Variants in ILDR1 observed in about 807,000 individuals in gnomAD.
ILDR1 encodes immunoglobulin like domain containing receptor 1, also known as immunoglobulin-like domain-containing receptor 1.
Under a neutral mutation model 62.4 loss-of-function variants are expected in ILDR1, and 56 were observed. That is an observed-to-expected ratio of 0.90 (90% CI 0.72 to 1.12). The LOEUF (loss-of-function observed/expected upper bound fraction) is 1.12, where lower values mean the gene tolerates loss of function less well. ILDR1 is among the 50% of genes most tolerant of loss of function. The pLI, the probability that ILDR1 is intolerant of heterozygous loss-of-function variation, is 0.00. For synonymous variants in ILDR1, 284 were observed against 277.8 expected (o/e 1.02, Z -0.22); for missense variants, 736 against 710.6 (o/e 1.04, Z -0.41).
At chr3:121,992,579 G>A (rs1366152285) in intron 7 of ILDR1, among the ~76,000 whole-genome samples, 1 of 152,180 alleles carries the variant, frequency 6.6e-6, no homozygotes. Context: ...GAATCTTAAT[G>A]TTTTGGCCCA....
At chr3:122,016,174 C>G (rs2071774077) in intron 1 of ILDR1, among the ~76,000 whole-genome samples, 1 of 152,196 alleles carries the variant, frequency 6.6e-6, no homozygotes, top group South Asian at 2.1e-4. Flanking sequence ...CTTGCAGATG[C>G]TATTACTTTG....
At chr3:122,048,009 T>A in the ILDR1 span, among the ~76,000 whole-genome samples, 1 of 152,240 alleles carries the variant, frequency 6.6e-6, no homozygotes, top group East Asian at 1.9e-4. Flanking sequence ...AGTGATGAAG[T>A]AGGCAGACTT....
At chr3:122,055,435 CA>C in the ILDR1 span, 1 of 1,587,322 alleles carries the variant, frequency 6.3e-7, no homozygotes, top group African/African-American at 1.3e-5. Flanking sequence ...CTAGCACAGA[CA>C]CACGGATGAG....
the ILDR1 span, among the ~76,000 whole-genome samples, chr3:122,056,678 C>T: frequency 5.9e-5 from 9 of 152,300 alleles, no homozygotes; most frequent in Admixed American, 2.6e-4. Flanking sequence ...ATCGAAGTAA[C>T]TTTCATCTAC....
the ILDR1 span, among the ~76,000 whole-genome samples, chr3:122,038,958 A>G: frequency 6.6e-6 from 1 of 152,146 alleles, no homozygotes; most frequent in African/African-American, 2.4e-5. Flanking sequence ...TGTGTGTAAA[A>G]TTATTAATTG....
Position 122,006,923 on chromosome 3 carries a change from A to G in ILDR1, c.229+68T>C, listed in dbSNP as rs1384789191. The stretch of plus-strand genomic sequence containing the variant: ...ATTTGTAATCCTAAATAATCCCTCA[A>G]CCCTAACCGCAGTATGTCACAGAGG... On this transcript the variant is annotated intron_variant, in intron 2 of 7. Coordinates refer to ENST00000344209, the MANE Select transcript of ILDR1 (RefSeq NM_001199799.2). 2.6e-6 allele frequency: 4 copies of G among 1,512,268 alleles called. No individual in the cohort carries two copies. The African/African-American group carries it at 4.1e-5, about 16-fold the overall frequency. 93.7% of individuals were successfully genotyped at this position (1,512,268 alleles called of 1,614,324 possible).
upstream of ILDR1, among the ~76,000 whole-genome samples, chr3:122,025,599 T>G (rs1286732558): frequency 2.6e-5 from 4 of 152,250 alleles, no homozygotes; most frequent in African/African-American, 9.6e-5. Flanking sequence ...TCATACTTCC[T>G]AGTTGAAACT....
the ILDR1 span, among the ~76,000 whole-genome samples, chr3:122,047,509 C>T: frequency 6.6e-6 from 1 of 152,248 alleles, no homozygotes; most frequent in African/African-American, 2.4e-5. Flanking sequence ...CGCCCCTCCC[C>T]CAGCCTCGCT....
the ILDR1 span, among the ~76,000 whole-genome samples, chr3:122,057,222 C>G: frequency 6.6e-6 from 1 of 152,104 alleles, no homozygotes; most frequent in South Asian, 2.1e-4. Flanking sequence ...AATGTATATG[C>G]CCTTTAACCA....
the ILDR1 span, among the ~76,000 whole-genome samples, chr3:122,046,113 A>G: frequency 2.0e-5 from 3 of 151,374 alleles, no homozygotes; most frequent in Admixed American, 6.6e-5. Flanking sequence ...GGGCAGGCCT[A>G]GTGGTGACAA....
chr3:122,055,876 G>A, the ILDR1 span, among the ~76,000 whole-genome samples: 2 of 152,014 alleles, frequency 1.3e-5, no homozygotes, highest in African/African-American at 4.8e-5. Flanking sequence ...GAGGGTGGAG[G>A]AATGAGATAG....
intron 1 of ILDR1, among the ~76,000 whole-genome samples, chr3:122,016,235 T>C (rs60489657): frequency 0.033 from 5,023 of 152,228 alleles, 265 homozygotes; most frequent in African/African-American, 0.12. Flanking sequence ...TCAGGGAGGG[T>C]CTTCTGACTG....
chr3:122,026,187 T>C (rs1276967631), upstream of ILDR1, among the ~76,000 whole-genome samples: 1 of 152,156 alleles, frequency 6.6e-6, no homozygotes, highest in Non-Finnish European at 1.5e-5. Flanking sequence ...AATGAAGAAT[T>C]TTGAATCCGG....
intron 1 of ILDR1, among the ~76,000 whole-genome samples, chr3:122,021,633 A>G (rs1363112945): frequency 6.6e-6 from 1 of 152,244 alleles, no homozygotes; most frequent in Non-Finnish European, 1.5e-5. Flanking sequence ...AATGAAATAT[A>G]TGCACTTCTG....
chr3:122,050,948 A>G, the ILDR1 span, among the ~76,000 whole-genome samples: 1 of 152,182 alleles, frequency 6.6e-6, no homozygotes, highest in African/African-American at 2.4e-5. Flanking sequence ...CAGCACTTTT[A>G]ATACCTCATC....
the ILDR1 span, among the ~76,000 whole-genome samples, chr3:122,034,724 T>C: frequency 1.2e-3 from 180 of 152,218 alleles, no homozygotes; most frequent in African/African-American, 4.3e-3. Flanking sequence ...ACTGGGGAAT[T>C]TACAAAAGAA....
chr3:122,053,715 A>G, the ILDR1 span, among the ~76,000 whole-genome samples: 6 of 152,180 alleles, frequency 3.9e-5, no homozygotes, highest in African/African-American at 1.4e-4. Flanking sequence ...TTAATGTACT[A>G]TTTAATGACT....
At chr3:122,030,639 C>T in the ILDR1 span, among the ~76,000 whole-genome samples, 2 of 151,640 alleles carry the variant, frequency 1.3e-5, no homozygotes, top group East Asian at 1.9e-4. Context: ...CTCTCTCTCT[C>T]TCTCTCTCTC....
intron 1 of ILDR1, among the ~76,000 whole-genome samples, chr3:122,016,394 C>T (rs1031443110): frequency 6.6e-6 from 1 of 152,162 alleles, no homozygotes; most frequent in Non-Finnish European, 1.5e-5. Flanking sequence ...TTTGCCAGCA[C>T]GAGGTCTTGC....
Sources: allele counts gnomAD v4.1 joint callset (sites outside exome capture counted in the v4.1 genomes callset), GRCh38; gene constraint gnomAD v4.1.1; transcripts MANE v1.5; gene names NCBI Gene and HGNC (gene_info 2026-07-23, HGNC 2026-07-21).